The following MCUR1 variants were observed in gnomAD, a reference collection of about 807,000 sequenced individuals.
MCUR1 encodes the protein MCU regulator 1.
In MCUR1, 37 loss-of-function variants were observed where a neutral mutation model predicts 42.0. The observed-to-expected ratio is 0.88, with a 90% CI of 0.68 to 1.16. MCUR1 has a LOEUF of 1.16. Ranked by LOEUF, MCUR1 falls within the 50% of genes most tolerant of loss-of-function variation. The probability of loss-of-function intolerance (pLI) is 0.00; values close to 1 mark genes in which losing one functional copy is unlikely to be tolerated. For missense variants in MCUR1, 469 were observed against 468.4 expected (o/e 1.00, Z -0.01); for synonymous variants, 229 against 196.2 (o/e 1.17, Z -1.40).
intron 3 of MCUR1, 112 bp downstream of exon 3, chr6:13,802,131 T>C: frequency 1.4e-6 from 1 of 696,314 alleles, no homozygotes; most frequent in Non-Finnish European, 2.3e-6. Flanking sequence ...ATGGTAAAAG[T>C]TACTATATAC....
chr6:13,790,930 T>A, intron 8 of MCUR1, 66 bp from the exon 9 acceptor site: 1 of 1,280,608 alleles, frequency 7.8e-7, no homozygotes, highest in East Asian at 2.4e-5. Context: ...GAACATCTTT[T>A]TTTAAGAAAA....
intron 1 of MCUR1, among the ~76,000 whole-genome samples, chr6:13,811,287 A>AT (rs889821032): frequency 1.1e-4 from 16 of 152,004 alleles, no homozygotes; most frequent in African/African-American, 3.6e-4. Flanking sequence ...AGTCTTGCTC[A>AT]TTTTTTATCT....
At chr6:13,799,418 T>C (rs903481536) in intron 5 of MCUR1, among the ~76,000 whole-genome samples, 1 of 152,078 alleles carries the variant, frequency 6.6e-6, no homozygotes, top group Non-Finnish European at 1.5e-5. Flanking sequence ...CTCCTGACCT[T>C]GTGATCTACC....
intron 8 of MCUR1, among the ~76,000 whole-genome samples, chr6:13,791,618 T>C (rs143712218): frequency 1.1e-4 from 16 of 152,306 alleles, no homozygotes; most frequent in African/African-American, 3.8e-4. Context: ...ATAACTATAG[T>C]TCAATTATAG....
intron 6 of MCUR1, among the ~76,000 whole-genome samples, chr6:13,795,840 G>A (rs917809676): frequency 6.6e-6 from 1 of 152,134 alleles, no homozygotes; most frequent in African/African-American, 2.4e-5. Flanking sequence ...TCTAAATAAC[G>A]TCTTCATGTA....
At chr6:13,802,379 TCA>T in intron 2 of MCUR1, 33 bp from the exon 3 acceptor site, 1 of 1,567,440 alleles carries the variant, frequency 6.4e-7, no homozygotes, top group Non-Finnish European at 8.8e-7. Flanking sequence ...AAAATCATGC[TCA>T]GAGTTACAAA....
At chr6:13,800,140 T>G (rs1286160619) in intron 5 of MCUR1, among the ~76,000 whole-genome samples, 1 of 152,180 alleles carries the variant, frequency 6.6e-6, no homozygotes, top group Non-Finnish European at 1.5e-5. Flanking sequence ...CACAATTTTC[T>G]TAATGAATAT....
chr6:13,809,105 C>T (rs1181375847), intron 1 of MCUR1, among the ~76,000 whole-genome samples: 1 of 152,098 alleles, frequency 6.6e-6, no homozygotes, highest in Non-Finnish European at 1.5e-5. Context: ...TCTTGTATTT[C>T]CCTATGAATT....
chr6:13,801,579 G>A (rs1759991162), intron 3 of MCUR1, among the ~76,000 whole-genome samples, 190 bp from the exon 4 acceptor site: 2 of 152,172 alleles, frequency 1.3e-5, no homozygotes, highest in African/African-American at 4.8e-5. Flanking sequence ...GCCAGGCAAG[G>A]TGGCTCACAC....
chr6:13,800,234 C>T, intron 5 of MCUR1, 107 bp downstream of exon 5: 1 of 758,332 alleles, frequency 1.3e-6, no homozygotes, highest in Admixed American at 3.0e-5. Context: ...ATTACACAAA[C>T]ATTTCACAAA....
At position 13,789,603 on chromosome 6, in the gene MCUR1, A is replaced by C. The variant is rs1423100827; in HGVS notation, c.*1206T>G. 1.3e-5 allele frequency: 2 copies of C among 152,210 alleles called. No homozygotes were observed. Among genetic ancestry groups the C allele is most frequent in the Non-Finnish European group, 1.5e-5 (1 of 68,036 alleles). The allele number at this position is 152,210 out of a possible 1,614,324, so 9.4% of individuals were successfully genotyped here. A position where few individuals can be genotyped will look rare whatever the true frequency, so the allele number is the denominator to read the frequency against. On this transcript the variant is annotated 3_prime_UTR_variant, in exon 9 of 9. Coordinates refer to ENST00000379170, the MANE Select transcript of MCUR1 (RefSeq NM_001031713.4). ...CAAGGGGATATTCATTAATGACATA[A>C]ATTTCATTTATGAAATATGTATCCA...
Position 13,814,423 on chromosome 6 carries a change from A to G in MCUR1, c.7T>C (p.Cys3Arg). MDCGSVGGQRTQR... is the reference protein window; with the variant it reads MDRGSVGGQRTQR... ...GTCCTCTGGCCGCCGACCGAGCCGC[A>G]GTCCATCCCCGAGCAGTTCACTGGC... The change falls in exon 1 of 9, where the codon TGC (cysteine) becomes CGC (arginine). Residue 3 changes from cysteine (C) to arginine (R), a missense_variant. Coordinates refer to ENST00000379170, the MANE Select transcript of MCUR1 (RefSeq NM_001031713.4). The G allele has an allele frequency of 6.5e-7, 1 of 1,537,460 alleles. No homozygotes were observed. Among genetic ancestry groups the G allele is most frequent in the East Asian group, 2.6e-5 (1 of 39,044 alleles).
At position 13,786,842 on chromosome 6, in the gene MCUR1, A is replaced by G. The variant is rs1006077334; in HGVS notation, c.*3967T>C. ...GAAATTGGGTTATAAGCAAAGGAAC[A>G]TAAGTGTAAAATGTGTAGAAAGATA... On this transcript the variant is annotated 3_prime_UTR_variant, in exon 9 of 9. Transcript: ENST00000379170. 4 of 152,248 alleles carry G rather than the reference A, an allele frequency of 2.6e-5. No homozygotes were observed. 9.4% of individuals were successfully genotyped at this position (152,248 alleles called of 1,614,324 possible).
At position 13,798,354 on chromosome 6, in the gene MCUR1, C is replaced by T. The variant is rs1440289349; in HGVS notation, c.855+479G>A. Among the ~76,000 whole-genome samples, 3 of 152,068 alleles carry T rather than the reference C, an allele frequency of 2.0e-5. No homozygotes were observed. In the East Asian group the frequency reaches 5.8e-4, roughly 29 times the overall value. On this transcript the variant is annotated intron_variant, in intron 6 of 8. Transcript: ENST00000379170. Reference sequence around the variant, plus strand: ...ACCTTAGGTGATCTGCCCATCTTGGCCTCCCAAAGTAGTGGGATTACAGGC... The same window carrying T: ...ACCTTAGGTGATCTGCCCATCTTGGTCTCCCAAAGTAGTGGGATTACAGGC...
rs749015502 is a variant in MCUR1, at chr6:13,801,270, T to A, written c.741+18A>T. 5 of 1,506,696 alleles carry A rather than the reference T, an allele frequency of 3.3e-6. No individual in the cohort carries two copies. In the African/African-American group the frequency reaches 6.9e-5, roughly 21 times the overall value. The allele number at this position is 1,506,696 out of a possible 1,614,324, so 93.3% of individuals were successfully genotyped here. ...CTTAATATAATCAACTTTCTAAGTG[T>A]GAGAGGCTCTGTTTTACCTCATTTT... On this transcript the variant is annotated intron_variant, in intron 4 of 8. Coordinates refer to ENST00000379170, the MANE Select transcript of MCUR1 (RefSeq NM_001031713.4).
In MCUR1 at chr6:13,786,690, T is replaced by G. The variant is rs1251482825; in HGVS notation, c.*4119A>C. ...GCAATACAGTTATTCTAGCTTTTCA[T>G]ATTCAATTTGAATGATCAGAAAAGT... On this transcript the variant is annotated 3_prime_UTR_variant, in exon 9 of 9. Coordinates refer to ENST00000379170, the MANE Select transcript of MCUR1 (RefSeq NM_001031713.4). The G allele has an allele frequency of 1.3e-5, 2 of 152,198 alleles. No individual in the cohort carries two copies. The highest frequency in any genetic ancestry group is 2.4e-5 in the African/African-American group (1 of 41,460). 9.4% of individuals were successfully genotyped at this position (152,198 alleles called of 1,614,324 possible). A position where few individuals can be genotyped will look rare whatever the true frequency, so the allele number is the denominator to read the frequency against.
intron 6 of MCUR1, among the ~76,000 whole-genome samples, chr6:13,797,109 TC>T (rs1478086357): frequency 1.3e-5 from 2 of 152,198 alleles, no homozygotes; most frequent in East Asian, 3.9e-4. Context: ...CAGTGGCAGT[TC>T]CAAAACACAA....
intron 5 of MCUR1, among the ~76,000 whole-genome samples, chr6:13,799,222 G>A (rs1281133794): frequency 6.8e-6 from 1 of 147,798 alleles, no homozygotes; most frequent in African/African-American, 2.5e-5. Context: ...GTCTCACTCT[G>A]TCAACCAGGC....
intron 8 of MCUR1, 60 bp downstream of exon 8, chr6:13,791,818 A>T: frequency 8.5e-7 from 1 of 1,170,432 alleles, no homozygotes; most frequent in African/African-American, 1.6e-5. Flanking sequence ...TCTGTCAACG[A>T]CTTATTTTAT....
Sources: allele counts gnomAD v4.1 joint callset (sites outside exome capture counted in the v4.1 genomes callset), GRCh38; gene constraint gnomAD v4.1.1; transcripts MANE v1.5; gene names NCBI Gene and HGNC (gene_info 2026-07-23, HGNC 2026-07-21).